The following PRKCH variants were observed in gnomAD, a reference collection of about 807,000 sequenced individuals.
The protein encoded by PRKCH is protein kinase C eta.
In PRKCH, 28 loss-of-function variants were observed where a neutral mutation model predicts 82.5. That is an observed-to-expected ratio of 0.34 (90% CI 0.25 to 0.47). PRKCH has a LOEUF of 0.47. PRKCH is among the 20% of genes least tolerant of loss of function. The pLI is 1.00. For synonymous variants in PRKCH, 322 were observed against 327.4 expected (o/e 0.98, Z 0.18); for missense variants, 705 against 881.8 (o/e 0.80, Z 2.54).
intron 10 of PRKCH, among the ~76,000 whole-genome samples, chr14:61,509,594 A>G (rs375321743): frequency 1.3e-5 from 2 of 152,138 alleles, no homozygotes; most frequent in Non-Finnish European, 1.5e-5. Context: ...AAAGGCAACT[A>G]TGAATGTTGG....
intron 1 of PRKCH, among the ~76,000 whole-genome samples, chr14:61,218,187 A>G (rs549241319): frequency 2.6e-5 from 4 of 152,306 alleles, no homozygotes; most frequent in African/African-American, 9.6e-5. Flanking sequence ...CAAAACTTGA[A>G]ATATTTCTTA....
At position 61,503,001 on chromosome 14, in the gene PRKCH, CTTTTTT is replaced by C. The variant is rs34050696; in HGVS notation, c.1433+17361_1433+17366del. ...AATGTAAGAGAGGAAGGGAAGCAGG[CTTTTTT>C]TTTTTTTTTTTTTTTGACTCCTACA... is the stretch of plus-strand genomic sequence containing the variant. On this transcript the variant is annotated intron_variant, in intron 10 of 13. Transcript: ENST00000332981. Among the ~76,000 whole-genome samples the C allele has an allele frequency of 1.2e-4, 10 of 80,328 alleles. No homozygotes were observed. In the East Asian group the frequency reaches 2.4e-3, roughly 20 times the overall value. The allele number at this position is 80,328 out of a possible 152,430, so 52.7% of individuals were successfully genotyped here.
At chr14:61,342,029 G>C (rs2045935501) in intron 1 of PRKCH, among the ~76,000 whole-genome samples, 1 of 152,056 alleles carries the variant, frequency 6.6e-6, no homozygotes, top group African/African-American at 2.4e-5. Flanking sequence ...AGGTGGTGAA[G>C]ATAGTTGTGA....
At chr14:61,490,540 A>T (rs1886409125) in intron 10 of PRKCH, among the ~76,000 whole-genome samples, 1 of 152,162 alleles carries the variant, frequency 6.6e-6, no homozygotes, top group South Asian at 2.1e-4. Flanking sequence ...AGCTGGGCAT[A>T]GCCTTGCTTG....
intron 10 of PRKCH, among the ~76,000 whole-genome samples, chr14:61,523,538 G>A (rs2042930716): frequency 6.6e-6 from 1 of 152,112 alleles, no homozygotes; most frequent in Admixed American, 6.5e-5. Flanking sequence ...ATATAATCTT[G>A]GGGTAGAGCC....
At chr14:61,360,675 A>C (rs1346059751) in intron 1 of PRKCH, among the ~76,000 whole-genome samples, 1 of 152,224 alleles carries the variant, frequency 6.6e-6, no homozygotes, top group Non-Finnish European at 1.5e-5. Context: ...ATTGAAAGAA[A>C]GGCAGGATCT....
chr14:61,223,073 A>G (rs1042669964), intron 1 of PRKCH, among the ~76,000 whole-genome samples: 4 of 152,152 alleles, frequency 2.6e-5, no homozygotes, highest in African/African-American at 9.7e-5. Context: ...TCAGATCCTC[A>G]CAGGGGATTT....
At chr14:61,334,116 G>C (rs1011899189) in intron 1 of PRKCH, among the ~76,000 whole-genome samples, 3 of 152,152 alleles carry the variant, frequency 2.0e-5, no homozygotes, top group African/African-American at 7.2e-5. Context: ...CTAGACTTCA[G>C]GCCAAGATTC....
At chr14:61,531,014 G>A (rs577050396) in intron 12 of PRKCH, among the ~76,000 whole-genome samples, 3 of 152,282 alleles carry the variant, frequency 2.0e-5, no homozygotes, top group South Asian at 2.1e-4. Context: ...TGAAGCGGTC[G>A]GGTCTTTCTC....
chr14:61,528,849 G>A lies in PRKCH; in HGVS notation c.1434-226G>A, dbSNP rs185493670. On this transcript the variant is annotated intron_variant, in intron 10 of 13. Coordinates refer to ENST00000332981, the MANE Select transcript of PRKCH (RefSeq NM_006255.5). ...TGTGGTCAGCCCATTCTTAATGGGC[G>A]CATCATCTTGGAGCCATGAGGCAAG... is the stretch of plus-strand genomic sequence containing the variant. 19 of 355,484 alleles carry A rather than the reference G, an allele frequency of 5.3e-5. No individual in the cohort carries two copies. In the East Asian group the frequency reaches 7.7e-4, roughly 14 times the overall value. The allele number at this position is 355,484 out of a possible 1,614,324, so 22.0% of individuals were successfully genotyped here. A position where few individuals can be genotyped will look rare whatever the true frequency, so the allele number is the denominator to read the frequency against.
intron 2 of PRKCH, among the ~76,000 whole-genome samples, chr14:61,436,247 T>C (rs1263033825): frequency 1.3e-5 from 2 of 152,168 alleles, no homozygotes; most frequent in Non-Finnish European, 2.9e-5. Context: ...AGAGAGTCAG[T>C]CTAGTAACAA....
At position 61,346,916 on chromosome 14, in the gene PRKCH, A is replaced by G. The variant is rs147042981; in HGVS notation, c.363+24452A>G. Among the ~76,000 whole-genome samples, 386 of 152,340 alleles carry G rather than the reference A, an allele frequency of 2.5e-3. 2 individuals carry two copies. Among genetic ancestry groups the G allele is most frequent in the African/African-American group, 8.6e-3 (359 of 41,590 alleles). On this transcript the variant is annotated intron_variant, in intron 1 of 13. Transcript: ENST00000332981. ...CAAAGCATTATAGTTTTTCACATCC[A>G]TCTTTTCATTCCCTCATTAGCTAAT...
Position 61,462,952 on chromosome 14 carries a change from C to A in PRKCH, c.1278+5273C>A, listed in dbSNP as rs1885095095. 4 of 152,450 alleles carry A rather than the reference C, an allele frequency of 2.6e-5. No individual in the cohort carries two copies. In the South Asian group the frequency reaches 8.3e-4, roughly 32 times the overall value. 9.4% of individuals were successfully genotyped at this position (152,450 alleles called of 1,614,324 possible). A position where few individuals can be genotyped will look rare whatever the true frequency, so the allele number is the denominator to read the frequency against. On this transcript the variant is annotated intron_variant, in intron 9 of 13. Transcript: ENST00000332981. ...AGTTTAGGTCAGGCTGACTCTGACT[C>A]CATATGTTGTCTTATTCCGCATTTA...
intron 1 of PRKCH, among the ~76,000 whole-genome samples, chr14:61,267,032 C>T (rs1256295946): frequency 4.6e-5 from 7 of 152,132 alleles, no homozygotes; most frequent in Admixed American, 1.3e-4. Context: ...CCTTTGGCAA[C>T]GTTTTATCAC....
At chr14:61,317,301 G>A (rs190565233), upstream of PRKCH, among the ~76,000 whole-genome samples, 334 of 152,182 alleles carry the variant, frequency 2.2e-3, 1 homozygote, top group African/African-American at 6.7e-3. Flanking sequence ...CTTCTTGAAA[G>A]GGTGCCTACA....
At position 61,200,966 on chromosome 14, in the gene PRKCH, A is replaced by G. The variant is rs527876922; in HGVS notation, c.-19+13298A>G. ...GGACTAGTGTATATTTTTTCATTCA[A>G]CAAGAAAATAGGCAATTAGAAAAGT... is the stretch of plus-strand genomic sequence containing the variant. On this transcript the variant is annotated intron_variant, in intron 1 of 3. Coordinates refer to the PRKCH transcript ENST00000555185. Among the ~76,000 whole-genome samples, 242 of 152,248 alleles carry G rather than the reference A, an allele frequency of 1.6e-3. 1 individual carries two copies. The highest frequency in any genetic ancestry group is 2.9e-3 in the Non-Finnish European group (199 of 68,006).
intron 1 of PRKCH, among the ~76,000 whole-genome samples, chr14:61,246,522 G>C (rs1274042645): frequency 6.6e-6 from 1 of 151,564 alleles, no homozygotes; most frequent in African/African-American, 2.4e-5. Context: ...CTATTCCTCT[G>C]GCCTTTCTCC....
At chr14:61,364,885 T>C (rs997415579) in intron 1 of PRKCH, among the ~76,000 whole-genome samples, 1 of 151,852 alleles carries the variant, frequency 6.6e-6, no homozygotes, top group Non-Finnish European at 1.5e-5. Context: ...GGAGTGTGGC[T>C]AGGAGGGACC....
chr14:61,463,456 A>C (rs1472041467), intron 9 of PRKCH: 2 of 151,930 alleles, frequency 1.3e-5, no homozygotes, highest in Non-Finnish European at 2.9e-5. Flanking sequence ...ACAAAGGTTT[A>C]TGAACCCATA....
Sources: gnomAD v4.1 joint callset for allele counts (sites outside exome capture counted in the v4.1 genomes callset) on GRCh38, gnomAD v4.1.1 for gene constraint, MANE v1.5 for transcripts, NCBI Gene and HGNC (gene_info 2026-07-23, HGNC 2026-07-21) for gene names.